TBC1D9: variants seen among roughly 807,000 people sequenced by gnomAD.
TBC1D9 encodes the protein TBC1 domain family member 9.
In TBC1D9, 63 loss-of-function variants were observed where a neutral mutation model predicts 132.0. The observed-to-expected ratio is 0.48, with a 90% confidence interval of 0.39 to 0.59. The LOEUF is 0.59. TBC1D9 is among the 20% of genes least tolerant of loss of function. The probability of loss-of-function intolerance (pLI) is 0.00; values close to 1 mark genes in which losing one functional copy is unlikely to be tolerated. For missense variants in TBC1D9, 1,261 were observed against 1,592.7 expected, an observed-to-expected ratio of 0.79 and a Z score of 3.54; for synonymous variants, 610 against 609.9, an observed-to-expected ratio of 1.00 and a Z score of 0.00.
chr4:140,674,546 T>C (rs1239815671), intron 6 of TBC1D9, among the ~76,000 whole-genome samples: 2 of 152,124 alleles, frequency 1.3e-5, no homozygotes, highest in African/African-American at 4.8e-5. Flanking sequence ...ATGAATGTGA[T>C]GGTGTATGCC....
Position 140,679,149 on chromosome 4 carries a change from AG to A in TBC1D9, c.643del (p.Leu215CysfsTer6). The part of the protein sequence containing the change: ...DITQLEKNAT[L>X]LLPDVIKVST... The stretch of plus-strand genomic sequence containing the variant: ...CACTTTGATCACATCAGGCAGAAGC[AG>A]GGTGGCATTCTTCTCAAGCTGAGTG... On this transcript the variant is annotated frameshift_variant, in exon 5 of 21. Coordinates refer to ENST00000442267, the MANE Select transcript of TBC1D9 (RefSeq NM_015130.3). LOFTEE classifies it high-confidence loss of function. 6.2e-7 allele frequency: 1 copy of A among 1,613,922 alleles called. No homozygotes were observed. Among genetic ancestry groups the A allele is most frequent in the Non-Finnish European group, 8.5e-7 (1 of 1,179,838 alleles).
intron 11 of TBC1D9, chr4:140,659,304 C>T (rs1737322444): frequency 4.1e-6 from 1 of 243,190 alleles, no homozygotes; most frequent in African/African-American, 2.2e-5. Flanking sequence ...TAATGGTGCA[C>T]ATACCTGGTG....
intron 1 of TBC1D9, among the ~76,000 whole-genome samples, chr4:140,709,244 T>TCA (rs1446149939): frequency 6.2e-3 from 660 of 107,224 alleles, no homozygotes; most frequent in African/African-American, 0.025. Context: ...TCTCTCTCTC[T>TCA]CTCTCACACA....
intron 1 of TBC1D9, among the ~76,000 whole-genome samples, chr4:140,736,396 C>T (rs1289308511): frequency 6.6e-6 from 1 of 152,012 alleles, no homozygotes; most frequent in African/African-American, 2.4e-5. Context: ...CAAAAATTAG[C>T]CAGGCATGGT....
intron 13 of TBC1D9, among the ~76,000 whole-genome samples, chr4:140,651,617 A>T (rs1214669309): frequency 6.6e-6 from 1 of 152,248 alleles, no homozygotes; most frequent in South Asian, 2.1e-4. Flanking sequence ...ATTAGCAAAA[A>T]ATGCCATGCC....
At chr4:140,643,044 C>T (rs1737033042) in intron 13 of TBC1D9, 1 of 1,169,338 alleles carries the variant, frequency 8.6e-7, no homozygotes, top group Non-Finnish European at 1.2e-6. Flanking sequence ...GGGGTACATC[C>T]GCTCCTCCTT....
intron 1 of TBC1D9, among the ~76,000 whole-genome samples, chr4:140,718,365 T>C (rs1451899814): frequency 6.6e-6 from 1 of 152,140 alleles, no homozygotes; most frequent in Non-Finnish European, 1.5e-5. Context: ...CAATCCCCTC[T>C]TTGCAAAAGT....
intron 13 of TBC1D9, among the ~76,000 whole-genome samples, chr4:140,654,933 A>G (rs1006658086): frequency 6.6e-6 from 1 of 152,150 alleles, no homozygotes; most frequent in African/African-American, 2.4e-5. Flanking sequence ...TAATACTGAA[A>G]ATTTGGAAGA....
At chr4:140,642,200 CT>C in intron 13 of TBC1D9, 1 of 749,608 alleles carries the variant, frequency 1.3e-6, no homozygotes, top group Non-Finnish European at 2.4e-6. Context: ...CCGGAGGGGC[CT>C]TGGGCGGGCC....
rs2288638 is a variant in TBC1D9, at chr4:140,668,552, A to T, written c.1588+365T>A. 4.5e-4 allele frequency among the ~76,000 whole-genome samples: 68 copies of T among 152,338 alleles called. No homozygotes were observed. The East Asian group carries it at 0.012, about 26-fold the overall frequency. ...TGCTCTGAGGAAGTGTCACACTTAA[A>T]CATTCTCAATGAAGTTGACGTAGCT... On this transcript the variant is annotated intron_variant, in intron 9 of 20. Transcript: ENST00000442267.
At chr4:140,687,385 T>TC (rs1560885942) in intron 2 of TBC1D9, among the ~76,000 whole-genome samples, 2 of 67,414 alleles carry the variant, frequency 3.0e-5, no homozygotes, top group African/African-American at 1.7e-4. Context: ...TATATATATA[T>TC]ATATATATAT....
intron 20 of TBC1D9, 79 bp downstream of exon 20, chr4:140,624,037 A>G (rs1293521334): frequency 8.7e-7 from 1 of 1,152,486 alleles, no homozygotes; most frequent in East Asian, 2.5e-5. Context: ...TATTGAGTCT[A>G]CATTTATCGA....
chr4:140,716,282 T>G (rs1738332648), intron 1 of TBC1D9, among the ~76,000 whole-genome samples: 1 of 151,824 alleles, frequency 6.6e-6, no homozygotes, highest in Admixed American at 6.6e-5. Context: ...AGCCCAGGAG[T>G]TGGAGACCAG....
intron 1 of TBC1D9, among the ~76,000 whole-genome samples, chr4:140,707,351 A>T (rs963373607): frequency 3.9e-5 from 6 of 152,140 alleles, no homozygotes; most frequent in African/African-American, 9.7e-5. Context: ...TACATACTGG[A>T]TTTCCATTCA....
At chr4:140,650,606 C>T (rs893261179) in intron 13 of TBC1D9, among the ~76,000 whole-genome samples, 7 of 152,340 alleles carry the variant, frequency 4.6e-5, no homozygotes, top group African/African-American at 1.7e-4. Flanking sequence ...GATCTTGGCT[C>T]ACTGCAATCT....
At chr4:140,639,183 C>T in intron 14 of TBC1D9, 29 bp from the exon 15 acceptor site, 2 of 1,538,552 alleles carry the variant, frequency 1.3e-6, no homozygotes, top group Non-Finnish European at 1.8e-6. Context: ...AAATGAATTT[C>T]ACAAACTCAA....
rs545577246 is a variant in TBC1D9, at chr4:140,669,754, C to T, written c.1317G>A (p.Thr439=). The change falls in exon 8 of 21, where the codon ACG becomes ACA. Residue 439 remains threonine (T), a synonymous_variant. Coordinates refer to ENST00000442267, the MANE Select transcript of TBC1D9 (RefSeq NM_015130.3). The stretch of plus-strand genomic sequence containing the variant: ...GGCGCTCTCCATCAGCATCAGAGCT[C>T]GTGCTTCTCTGGGGGCTGGAGGAGA... ...SLVSSSPQRS[T]SSDADGERQF... is the part of the protein sequence containing the mutation. 15 of 1,613,902 alleles carry T rather than the reference C, an allele frequency of 9.3e-6. No homozygotes were observed. The highest frequency in any genetic ancestry group is 3.3e-5 in the South Asian group (3 of 91,064).
At position 140,622,640 on chromosome 4, in the gene TBC1D9, G is replaced by A. The variant is rs1486208203; in HGVS notation, c.3356C>T (p.Pro1119Leu). The stretch of plus-strand genomic sequence containing the variant: ...TCCAAGGGAGTGTTCCTCGCTGTCG[G>A]GGGCCAGGCTGGCCGGCAGGGGCTC... ...SVEPLPASLAPDSEEHSLGGQ... is the reference protein window; with the variant it reads ...SVEPLPASLALDSEEHSLGGQ... Residue 1119 changes from proline (P) to leucine (L), a missense_variant, in exon 21 of 21, where the codon CCC (proline) becomes CTC (leucine). Pro to Leu is a moderately conservative substitution (Grantham distance 98). This residue lies in a region of TBC1D9 where 618 missense variants were observed against 724.4 expected (regional missense o/e 0.85). Transcript: ENST00000442267. 7 of 1,611,550 alleles carry A rather than the reference G, an allele frequency of 4.3e-6. No individual in the cohort carries two copies. The East Asian group carries it at 1.3e-4, about 31-fold the overall frequency.
intron 13 of TBC1D9, chr4:140,644,264 C>A: frequency 3.3e-6 from 1 of 304,910 alleles, no homozygotes. Flanking sequence ...TCTTCTCGAC[C>A]ACGTTGTCGG....
Sources: allele counts gnomAD v4.1 joint callset (sites outside exome capture counted in the v4.1 genomes callset), GRCh38; gene constraint gnomAD v4.1.1; regional missense constraint gnomAD v4.1.1; transcripts MANE v1.5; gene names NCBI Gene and HGNC (gene_info 2026-07-23, HGNC 2026-07-21).